KAZN: variants seen among roughly 807,000 people sequenced by gnomAD.
KAZN encodes kazrin, periplakin interacting protein.
KAZN carries 40 observed loss-of-function variants against 87.4 expected under a neutral mutation model. That is an observed-to-expected ratio of 0.46 (90% CI 0.36 to 0.60). The LOEUF is 0.60. Among genes scored for constraint, KAZN ranks in the 20% least tolerant of loss-of-function variants. The pLI is 0.00. For missense variants in KAZN, 898 were observed against 1,073.9 expected (o/e 0.84, Z 2.29); for synonymous variants, 466 against 458.3 (o/e 1.02, Z -0.22).
At chr1:14,579,759 T>C (rs563076954) in intron 2 of KAZN, among the ~76,000 whole-genome samples, 2 of 152,268 alleles carry the variant, frequency 1.3e-5, no homozygotes, top group Admixed American at 6.5e-5. Context: ...GTGGCTGCTG[T>C]ATTGCTGGGT....
At chr1:15,006,734 G>A (rs1557709161) in intron 2 of KAZN, among the ~76,000 whole-genome samples, 1 of 152,190 alleles carries the variant, frequency 6.6e-6, no homozygotes, top group African/African-American at 2.4e-5. Flanking sequence ...AGAAGGGTGG[G>A]ATGCGCCAAG....
In KAZN at chr1:14,185,828, T is replaced by A. The variant is rs138269384; in HGVS notation, c.249+5236T>A. 3.0e-3 allele frequency among the ~76,000 whole-genome samples: 457 copies of A among 152,310 alleles called. 1 individual carries two copies. Among genetic ancestry groups the A allele is most frequent in the African/African-American group, 0.011 (439 of 41,562 alleles). On this transcript the variant is annotated intron_variant, in intron 2 of 16. Coordinates refer to the KAZN transcript ENST00000636203. ...TGTTAAGCTTGTGTCTAGGGTTTTT[T>A]TAAATTGATAGAGAAAGTTAGACCC...
chr1:14,905,124 T>A (rs1238373159), intron 1 of KAZN, among the ~76,000 whole-genome samples: 1 of 152,122 alleles, frequency 6.6e-6, no homozygotes, highest in East Asian at 1.9e-4. Context: ...AGTGGCGTGA[T>A]CTTGGCTCCC....
At chr1:14,099,677 C>T (rs1644206079) in intron 1 of KAZN, among the ~76,000 whole-genome samples, 1 of 152,156 alleles carries the variant, frequency 6.6e-6, no homozygotes, top group Non-Finnish European at 1.5e-5. Flanking sequence ...GCTTAACTGC[C>T]CAATAGATAA....
At chr1:15,037,077 G>A (rs112148320) in intron 3 of KAZN, among the ~76,000 whole-genome samples, 1 of 151,006 alleles carries the variant, frequency 6.6e-6, no homozygotes, top group Non-Finnish European at 1.5e-5. Flanking sequence ...TCTTCTGGTC[G>A]CCTCTGCTCC....
intron 2 of KAZN, among the ~76,000 whole-genome samples, chr1:14,245,222 C>A (rs1571126149): frequency 6.6e-6 from 1 of 152,096 alleles, no homozygotes; most frequent in African/African-American, 2.4e-5. Flanking sequence ...ACCTCGGCCT[C>A]AGGAAAACAT....
chr1:14,435,905 ACT>A (rs1666357844), intron 2 of KAZN, among the ~76,000 whole-genome samples: 5 of 152,068 alleles, frequency 3.3e-5, no homozygotes, highest in South Asian at 2.1e-4. Flanking sequence ...GATATGGGTG[ACT>A]CTATGTGGAG....
At chr1:14,021,953 CTTT>C (rs141959214) in intron 1 of KAZN, among the ~76,000 whole-genome samples, 6 of 114,292 alleles carry the variant, frequency 5.2e-5, no homozygotes, top group Non-Finnish European at 6.7e-5. Context: ...AATGAACATG[CTTT>C]TTTTTTTTTT....
rs367816458 is a variant in KAZN at position 14,103,925 on chromosome 1, T to G, written c.92-76510T>G. On this transcript the variant is annotated intron_variant, in intron 1 of 16. Coordinates refer to the KAZN transcript ENST00000636203. ...GAGATCAACACAGATAATTTCTCTG[T>G]GTTAAACTCTCCAAATGTAGGCAAC... Among the ~76,000 whole-genome samples, 3 of 152,170 alleles carry G rather than the reference T, an allele frequency of 2.0e-5. No individual in the cohort carries two copies. In the East Asian group the frequency reaches 5.8e-4, roughly 29 times the overall value.
chr1:14,194,793 A>G (rs1173624088), intron 2 of KAZN, among the ~76,000 whole-genome samples: 1 of 151,970 alleles, frequency 6.6e-6, no homozygotes. Flanking sequence ...GGGGAGGGGG[A>G]CATGAGCCAC....
intron 1 of KAZN, among the ~76,000 whole-genome samples, chr1:14,766,597 G>T (rs1055672450): frequency 6.7e-6 from 1 of 148,288 alleles, no homozygotes; most frequent in East Asian, 2.0e-4. Flanking sequence ...GCTTGGTTCC[G>T]CATGTTAACT....
chr1:14,289,856 G>GCT (rs1297405522), intron 2 of KAZN, among the ~76,000 whole-genome samples: 1 of 152,160 alleles, frequency 6.6e-6, no homozygotes, highest in East Asian at 1.9e-4. Context: ...TCCTTCAGGA[G>GCT]CTCTTGTAAG....
chr1:14,822,437 T>C lies in KAZN; in HGVS notation c.227-138247T>C, dbSNP rs1052486346. On this transcript the variant is annotated intron_variant, in intron 1 of 14. Transcript: ENST00000376030. ...AGAATCTGCCTCAGGGTTGCTTACA[T>C]GGTGAAGGAGGATTTCTTGGGAAGA... is the stretch of plus-strand genomic sequence containing the variant. Among the ~76,000 whole-genome samples, 4 of 152,186 alleles carry C rather than the reference T, an allele frequency of 2.6e-5. No individual in the cohort carries two copies. In the East Asian group the frequency reaches 5.8e-4, roughly 22 times the overall value.
chr1:15,094,986 C>T lies in KAZN; in HGVS notation c.1547+53C>T, dbSNP rs374919105. 1.6e-6 allele frequency: 2 copies of T among 1,284,248 alleles called. No individual in the cohort carries two copies. Among genetic ancestry groups the T allele is most frequent in the Admixed American group, 2.0e-5 (1 of 49,902 alleles). 79.6% of individuals were successfully genotyped at this position (1,284,248 alleles called of 1,614,324 possible). A position where few individuals can be genotyped will look rare whatever the true frequency, so the allele number is the denominator to read the frequency against. The stretch of plus-strand genomic sequence containing the variant: ...GAGGAGAGAAAAAGTCATCCTGAGG[C>T]CTTTGGTCACACAGGTGGGGTGAGC... On this transcript the variant is annotated intron_variant, in intron 10 of 14. Coordinates refer to ENST00000376030, the MANE Select transcript of KAZN (RefSeq NM_201628.3). This position sits in a 1 kb window ranked among gnomAD's most constrained non-coding sequence, Gnocchi z 4.5.
intron 2 of KAZN, among the ~76,000 whole-genome samples, chr1:14,279,091 T>C (rs1006576052): frequency 3.3e-5 from 5 of 152,150 alleles, no homozygotes; most frequent in Non-Finnish European, 7.3e-5. Context: ...GCGTTTCAAA[T>C]GATGTAATTT....
chr1:14,698,252 T>C (rs2148798723), intron 1 of KAZN, among the ~76,000 whole-genome samples: 1 of 151,228 alleles, frequency 6.6e-6, no homozygotes, highest in Non-Finnish European at 1.5e-5. Context: ...GCCAGAATGG[T>C]GGAAGTGAGC....
intron 2 of KAZN, among the ~76,000 whole-genome samples, chr1:15,027,158 T>A (rs1265908429): frequency 1.5e-5 from 2 of 136,498 alleles, no homozygotes; most frequent in Non-Finnish European, 3.1e-5. Context: ...CTCGGCTCAC[T>A]GCAAGCTCCG....
At chr1:13,954,132 A>G (rs1349845079) in intron 1 of KAZN, among the ~76,000 whole-genome samples, 1 of 152,230 alleles carries the variant, frequency 6.6e-6, no homozygotes, top group African/African-American at 2.4e-5. Context: ...ACCACCCAGG[A>G]GGCGGAGGTC....
At chr1:14,674,078 A>T (rs539639472) in intron 1 of KAZN, among the ~76,000 whole-genome samples, 1 of 152,360 alleles carries the variant, frequency 6.6e-6, no homozygotes, top group South Asian at 2.1e-4. Flanking sequence ...ATGGAGACTC[A>T]GAAGAGAAGT....
Sources: gnomAD v4.1 joint callset for allele counts (sites outside exome capture counted in the v4.1 genomes callset) on GRCh38, gnomAD v4.1.1 for gene constraint, Gnocchi (gnomAD v3.1) non-coding constraint, MANE v1.5 for transcripts, NCBI Gene and HGNC (gene_info 2026-07-23, HGNC 2026-07-21) for gene names.